The following SLIT2 variants were observed in gnomAD, a reference collection of about 807,000 sequenced individuals.
The protein encoded by SLIT2 is slit homolog 2 protein.
SLIT2 carries 41 observed loss-of-function variants against 185.7 expected under a neutral mutation model. That is an observed-to-expected ratio of 0.22 (90% CI 0.17 to 0.29). SLIT2 has a LOEUF of 0.29. Among genes scored for constraint, SLIT2 ranks in the 10% least tolerant of loss-of-function variants. SLIT2 has a pLI of 1.00. For synonymous variants in SLIT2, 693 were observed against 680.2 expected (o/e 1.02, Z -0.29); for missense variants, 1,571 against 1,909.0 (o/e 0.82, Z 3.30).
intron 11 of SLIT2, among the ~76,000 whole-genome samples, chr4:20,513,204 A>C (rs966682506): frequency 6.6e-6 from 1 of 152,206 alleles, no homozygotes. Context: ...AGTAAACTGC[A>C]GTTAAGTCAG....
intron 14 of SLIT2, among the ~76,000 whole-genome samples, chr4:20,524,703 GT>G (rs1300625634): frequency 6.6e-6 from 1 of 152,020 alleles, no homozygotes; most frequent in Non-Finnish European, 1.5e-5. Context: ...GTGAGGATGC[GT>G]TTTTTCCAAA....
intron 8 of SLIT2, 114 bp downstream of exon 8, chr4:20,489,096 C>T: frequency 1.5e-5 from 11 of 719,970 alleles, no homozygotes; most frequent in Non-Finnish European, 2.5e-5. Context: ...TTCAATTGTG[C>T]ACTAATCACT....
rs188819865 is a variant in SLIT2 at position 20,564,976 on chromosome 4, C to T, written c.2726-2286C>T. On this transcript the variant is annotated intron_variant, in intron 26 of 36. Transcript: ENST00000504154. ...TGGACATTTATTAAATAAATCCCCA[C>T]TACGTGGTAAAATGAACATGAACTA... is the stretch of plus-strand genomic sequence containing the variant. Among the ~76,000 whole-genome samples the T allele has an allele frequency of 9.7e-4, 148 of 152,070 alleles. 1 individual carries two copies. Among genetic ancestry groups the T allele is most frequent in the African/African-American group, 3.4e-3 (142 of 41,514 alleles).
At chr4:20,570,731 GTATATA>G (rs55841917) in intron 29 of SLIT2, among the ~76,000 whole-genome samples, 36,621 of 124,402 alleles carry the variant, frequency 0.29, 5,998 homozygotes, top group East Asian at 0.72. Flanking sequence ...ATATATATAT[GTATATA>G]TATATATATA....
intron 4 of SLIT2, among the ~76,000 whole-genome samples, chr4:20,297,172 C>G (rs1423092252): frequency 6.6e-6 from 1 of 151,980 alleles, no homozygotes. Flanking sequence ...TTATAATAGC[C>G]TGCTTTAATA....
intron 4 of SLIT2, among the ~76,000 whole-genome samples, chr4:20,446,640 A>G (rs574127826): frequency 1.8e-4 from 28 of 152,326 alleles, no homozygotes; most frequent in Middle Eastern, 3.4e-3. Context: ...ATAAAAGAAA[A>G]TATGCATCAC....
In SLIT2 at chr4:20,321,571, AG is replaced by A. The variant is rs142636469; in HGVS notation, c.395+52691del. Among the ~76,000 whole-genome samples, 3 of 152,336 alleles carry A rather than the reference AG, an allele frequency of 2.0e-5. No individual in the cohort carries two copies. The East Asian group carries it at 5.8e-4, about 29-fold the overall frequency. On this transcript the variant is annotated intron_variant, in intron 4 of 36. Coordinates refer to ENST00000504154, the MANE Select transcript of SLIT2 (RefSeq NM_004787.4). ...TGACTCTAGAGCTCAATGAGGCTGC[AG>A]AAATGAGATGCCTTTCTGAGAGAAT...
chr4:20,508,042 G>T (rs937515022), intron 9 of SLIT2, among the ~76,000 whole-genome samples: 1 of 151,886 alleles, frequency 6.6e-6, no homozygotes. Flanking sequence ...ACAGGCAAAT[G>T]ATTTACATGT....
chr4:20,304,173 T>C (rs1352853425), intron 4 of SLIT2, among the ~76,000 whole-genome samples: 1 of 152,244 alleles, frequency 6.6e-6, no homozygotes, highest in East Asian at 1.9e-4. Flanking sequence ...CCAGTGTATA[T>C]TATTGTAAAC....
intron 4 of SLIT2, among the ~76,000 whole-genome samples, chr4:20,427,744 C>A (rs868371138): frequency 5.3e-5 from 8 of 150,712 alleles, no homozygotes; most frequent in Non-Finnish European, 1.2e-4. Context: ...CTAAAAACTT[C>A]CCAGTAATGA....
chr4:20,531,512 G>C (rs1399852751), intron 16 of SLIT2, among the ~76,000 whole-genome samples: 2 of 152,152 alleles, frequency 1.3e-5, no homozygotes, highest in Admixed American at 6.5e-5. Flanking sequence ...GTTTCTTTTG[G>C]GGGTAATGAA....
At chr4:20,318,159 G>T (rs1560312184) in intron 4 of SLIT2, among the ~76,000 whole-genome samples, 2 of 152,064 alleles carry the variant, frequency 1.3e-5, no homozygotes, top group East Asian at 3.9e-4. Context: ...TGCAATAATG[G>T]CTTAGTGTAG....
At chr4:20,368,219 C>CAAAAAAAAAAA (rs71653879) in intron 4 of SLIT2, among the ~76,000 whole-genome samples, 113 of 107,060 alleles carry the variant, frequency 1.1e-3, no homozygotes, top group Middle Eastern at 5.9e-3. Flanking sequence ...CACAAAATAG[C>CAAAAAAAAAAA]AAAAAAAAAA....
intron 4 of SLIT2, among the ~76,000 whole-genome samples, chr4:20,300,256 G>A (rs1276791483): frequency 6.6e-6 from 1 of 152,052 alleles, no homozygotes; most frequent in African/African-American, 2.4e-5. Context: ...AATCATTTAG[G>A]ATGGTATTGA....
chr4:20,538,234 A>G (rs1278408413), intron 18 of SLIT2, among the ~76,000 whole-genome samples: 3 of 152,220 alleles, frequency 2.0e-5, no homozygotes, highest in African/African-American at 7.2e-5. Flanking sequence ...TCCTGGGATT[A>G]CAGGCATGAG....
At chr4:20,291,482 ATATATATATATTTTTTTTTTTTT>A (rs1271832533) in intron 4 of SLIT2, among the ~76,000 whole-genome samples, 1 of 12,680 alleles carries the variant, frequency 7.9e-5, no homozygotes, top group Non-Finnish European at 1.4e-4. Context: ...ATATATATAT[ATATATATATATTTTTTTTTTTTT>A]TTTTTTTTTT....
At position 20,511,593 on chromosome 4, in the gene SLIT2, T is replaced by TTTTTTTTTTTA. The variant is rs1553915381; in HGVS notation, c.1058+462_1058+472dup. On this transcript the variant is annotated intron_variant, in intron 11 of 36. Coordinates refer to ENST00000504154, the MANE Select transcript of SLIT2 (RefSeq NM_004787.4). ...CTGCCACCACATCCAGCTAATTTTT[T>TTTTTTTTTTTA]TTTTTTTTTTATTTTTGGTAGAGAT... Among the ~76,000 whole-genome samples, 490 of 134,304 alleles carry TTTTTTTTTTTA rather than the reference T, an allele frequency of 3.6e-3. 16 individuals carry two copies. The highest frequency in any genetic ancestry group is 0.01 in the South Asian group (42 of 4,102). The allele number at this position is 134,304 out of a possible 152,430, so 88.1% of individuals were successfully genotyped here.
chr4:20,292,489 CAAAAGA>C (rs940059055), intron 4 of SLIT2, among the ~76,000 whole-genome samples: 15 of 151,820 alleles, frequency 9.9e-5, no homozygotes, highest in African/African-American at 3.4e-4. Flanking sequence ...AGACCTGTCT[CAAAAGA>C]AGAAGAAGGA....
At chr4:20,439,836 A>G (rs1272432790) in intron 4 of SLIT2, among the ~76,000 whole-genome samples, 1 of 152,240 alleles carries the variant, frequency 6.6e-6, no homozygotes, top group Non-Finnish European at 1.5e-5. Context: ...TCCGTTAAGA[A>G]CCATAGATAA....
Sources: allele counts gnomAD v4.1 joint callset (sites outside exome capture counted in the v4.1 genomes callset), GRCh38; gene constraint gnomAD v4.1.1; transcripts MANE v1.5; gene names NCBI Gene and HGNC (gene_info 2026-07-23, HGNC 2026-07-21).